The following SLC4A4 variants were observed in gnomAD, a reference collection of about 807,000 sequenced individuals.
The protein encoded by SLC4A4 is electrogenic sodium bicarbonate cotransporter 1.
A neutral mutation model predicts 111.5 loss-of-function variants in SLC4A4; 27 were observed. The ratio of observed to expected loss-of-function variants is 0.24; its 90% CI spans 0.18 to 0.33. The LOEUF (loss-of-function observed/expected upper bound fraction) is 0.33, where lower values mean the gene tolerates loss of function less well. Ranked by LOEUF, SLC4A4 falls within the 10% of genes least tolerant of loss-of-function variation. SLC4A4 has a pLI of 1.00. For synonymous variants in SLC4A4, 443 were observed against 463.4 expected, an observed-to-expected ratio of 0.96 and a Z score of 0.57; for missense variants, 909 against 1,315.5, an observed-to-expected ratio of 0.69 and a Z score of 4.78.
At chr4:71,453,314 A>G (rs1224246113) in intron 11 of SLC4A4, among the ~76,000 whole-genome samples, 181 bp from the exon 12 acceptor site, 2 of 152,226 alleles carry the variant, frequency 1.3e-5, no homozygotes, top group East Asian at 3.8e-4. Flanking sequence ...CCAAAAAGAA[A>G]GAGATAGAAG....
chr4:71,371,355 T>A (rs1731858840), intron 6 of SLC4A4, among the ~76,000 whole-genome samples: 1 of 150,284 alleles, frequency 6.7e-6, no homozygotes, highest in African/African-American at 2.4e-5. Flanking sequence ...GCAATTCTCC[T>A]GCCTCAGCCT....
intron 6 of SLC4A4, among the ~76,000 whole-genome samples, chr4:71,376,194 T>C (rs10031346): frequency 0.03 from 2,214 of 74,164 alleles, 46 homozygotes; most frequent in Middle Eastern, 0.11. Context: ...CACACACACA[T>C]ATATATGTGT....
chr4:71,113,321 C>T (rs1165508554), intron 2 of SLC4A4, among the ~76,000 whole-genome samples: 1 of 152,146 alleles, frequency 6.6e-6, no homozygotes, highest in African/African-American at 2.4e-5. Context: ...TATCCACATA[C>T]CCTGAAAAAT....
rs145327579 is a variant in SLC4A4, at chr4:71,191,490, T to G, written c.-2+4089T>G. ...GGAATAAGTATTTTAATCTTTTGAC[T>G]GGTGATACATGTTTGTCGAATGACT... is the stretch of plus-strand genomic sequence containing the variant. On this transcript the variant is annotated intron_variant, in intron 1 of 25. Coordinates refer to ENST00000264485, the MANE Select transcript of SLC4A4 (RefSeq NM_001098484.3). Among the ~76,000 whole-genome samples, 242 of 152,372 alleles carry G rather than the reference T, an allele frequency of 1.6e-3. 1 individual carries two copies. The highest frequency in any genetic ancestry group is 5.5e-3 in the African/African-American group (230 of 41,592).
chr4:71,350,688 T>G (rs934749096), intron 5 of SLC4A4, among the ~76,000 whole-genome samples: 4 of 152,194 alleles, frequency 2.6e-5, no homozygotes, highest in Non-Finnish European at 5.9e-5. Flanking sequence ...TGCTGCAGCA[T>G]TCATATTATC....
chr4:71,073,822 C>A lies in SLC4A4; in HGVS notation c.-65+11034C>A, dbSNP rs117843365. On this transcript the variant is annotated intron_variant, in intron 1 of 26. Coordinates refer to the SLC4A4 transcript ENST00000649996. Reference sequence around the variant, plus strand: ...AAAGGCCGGGTGCGGTGGCTTACACCTTTAAAATCCCAGCATTTTGAAAGG... The same window carrying A: ...AAAGGCCGGGTGCGGTGGCTTACACATTTAAAATCCCAGCATTTTGAAAGG... Among the ~76,000 whole-genome samples, 1,024 of 152,116 alleles carry A rather than the reference C, an allele frequency of 6.7e-3. 30 individuals carry two copies. The East Asian group carries it at 0.084, about 13-fold the overall frequency.
chr4:71,489,349 A>G (rs1027884350), intron 15 of SLC4A4, among the ~76,000 whole-genome samples: 5 of 151,778 alleles, frequency 3.3e-5, no homozygotes, highest in African/African-American at 1.2e-4. Context: ...GAACTCACAG[A>G]TATTGAGTTC....
intron 3 of SLC4A4, among the ~76,000 whole-genome samples, chr4:71,328,431 T>C (rs1015575846): frequency 2.0e-5 from 3 of 151,814 alleles, no homozygotes; most frequent in African/African-American, 7.2e-5. Flanking sequence ...TGGCTATACA[T>C]TCCCACCAAC....
intron 3 of SLC4A4, among the ~76,000 whole-genome samples, chr4:71,331,831 C>G (rs768357546): frequency 1.3e-5 from 2 of 151,594 alleles, no homozygotes; most frequent in Non-Finnish European, 2.9e-5. Context: ...GCTAGGAGAC[C>G]GTTTATTATG....
At chr4:71,478,403 A>G (rs1441128267) in intron 14 of SLC4A4, among the ~76,000 whole-genome samples, 1 of 152,014 alleles carries the variant, frequency 6.6e-6, no homozygotes, top group Non-Finnish European at 1.5e-5. Context: ...TGTGGCACAT[A>G]TGTACCATGG....
intron 7 of SLC4A4, chr4:71,437,337 C>A: frequency 2.8e-6 from 1 of 353,536 alleles, no homozygotes; most frequent in Non-Finnish European, 5.6e-6. Flanking sequence ...CACTCAATTT[C>A]CAGAATACAT....
chr4:71,171,038 A>G (rs753054452), intron 2 of SLC4A4, among the ~76,000 whole-genome samples: 1 of 152,224 alleles, frequency 6.6e-6, no homozygotes, highest in African/African-American at 2.4e-5. Context: ...GGTCAGTAGC[A>G]AATACAGCTG....
intron 2 of SLC4A4, among the ~76,000 whole-genome samples, chr4:71,141,655 G>C (rs1744001183): frequency 1.3e-5 from 2 of 152,108 alleles, no homozygotes; most frequent in Non-Finnish European, 2.9e-5. Flanking sequence ...AAACTTGTTT[G>C]TATTTTGTTT....
At chr4:71,410,030 C>G (rs1560482261) in intron 7 of SLC4A4, among the ~76,000 whole-genome samples, 1 of 152,196 alleles carries the variant, frequency 6.6e-6, no homozygotes, top group Non-Finnish European at 1.5e-5. Context: ...GTTTGGGAAC[C>G]TCTGCCTAGA....
chr4:71,547,765 A>T, intron 20 of SLC4A4, 45 bp downstream of exon 20: 4 of 1,459,766 alleles, frequency 2.7e-6, no homozygotes, highest in Non-Finnish European at 3.8e-6. Context: ...GAACACTGAC[A>T]TATAATTGGA....
chr4:71,241,445 T>C (rs1720213797), intron 2 of SLC4A4, among the ~76,000 whole-genome samples: 1 of 152,116 alleles, frequency 6.6e-6, no homozygotes. Context: ...AACCTATTTC[T>C]TGCTAGAGGA....
chr4:71,149,412 A>G (rs1447885710), intron 2 of SLC4A4, among the ~76,000 whole-genome samples: 3 of 152,180 alleles, frequency 2.0e-5, no homozygotes, highest in African/African-American at 7.2e-5. Context: ...TAGAAACAAG[A>G]CACAGCTCTA....
At chr4:71,294,510 A>G (rs1460714728) in intron 3 of SLC4A4, among the ~76,000 whole-genome samples, 2 of 152,240 alleles carry the variant, frequency 1.3e-5, no homozygotes, top group African/African-American at 4.8e-5. Flanking sequence ...TCTTAATGGC[A>G]GTGGAGTGGG....
At chr4:71,489,491 T>C (rs1729710487) in intron 15 of SLC4A4, among the ~76,000 whole-genome samples, 1 of 151,712 alleles carries the variant, frequency 6.6e-6, no homozygotes, top group South Asian at 2.1e-4. Flanking sequence ...GTCAACTTAA[T>C]AGATAGGCAG....
Sources: allele counts gnomAD v4.1 joint callset (sites outside exome capture counted in the v4.1 genomes callset), GRCh38; gene constraint gnomAD v4.1.1; transcripts MANE v1.5; gene names NCBI Gene and HGNC (gene_info 2026-07-23, HGNC 2026-07-21).